The following IL1RAPL2 variants were observed in gnomAD, a reference collection of about 807,000 sequenced individuals.
IL1RAPL2 encodes the protein X-linked interleukin-1 receptor accessory protein-like 2.
Under a neutral mutation model 44.1 loss-of-function variants are expected in IL1RAPL2, and 3 were observed. That is an observed-to-expected ratio of 0.07 (90% CI 0.03 to 0.18). The LOEUF (loss-of-function observed/expected upper bound fraction) is 0.18. IL1RAPL2 is among the 10% of genes least tolerant of loss of function. The pLI is 1.00. For missense variants in IL1RAPL2, 391 were observed against 496.4 expected (o/e 0.79, Z 2.02); for synonymous variants, 181 against 178.8 (o/e 1.01, Z -0.10).
At chrX:104,624,364 A>G (rs1296080202) in intron 1 of IL1RAPL2, among the ~76,000 whole-genome samples, 2 of 111,740 alleles carry the variant, frequency 1.8e-5, no homozygotes, top group Non-Finnish European at 3.8e-5. Context: ...TCATTAAAAA[A>G]AATCTGAACA....
rs201599857 is a variant in IL1RAPL2 at position 105,767,017 on chromosome X, G to A, written c.1417G>A (p.Val473Met). 19 of 1,206,821 alleles carry A rather than the reference G, an allele frequency of 1.6e-5. No individual in the cohort carries two copies. Among genetic ancestry groups the A allele is most frequent in the Admixed American group, 2.2e-5 (1 of 45,645 alleles). Residue 473 changes from valine to methionine, a missense_variant, in exon 11 of 11, where the codon GTG (valine) becomes ATG (methionine). Around this residue, in one of 2 missense-constraint regions of IL1RAPL2, gnomAD observed 232 missense variants for 244.8 expected, o/e 0.95. Coordinates refer to ENST00000372582, the MANE Select transcript of IL1RAPL2 (RefSeq NM_017416.2). ...YVEQSRRLII[V>M]LTPDYILRRG... ...TGAACAAAGCAGAAGACTTATTATC[G>A]TGCTAACTCCAGACTATATTCTCAG...
chrX:105,376,963 A>G (rs893519268), intron 5 of IL1RAPL2, among the ~76,000 whole-genome samples: 2 of 112,335 alleles, frequency 1.8e-5, no homozygotes, highest in African/African-American at 6.5e-5. Flanking sequence ...ATGCATATAT[A>G]CAGTGAATAA....
intron 1 of IL1RAPL2, among the ~76,000 whole-genome samples, chrX:104,605,332 A>AATTT (rs1288302309): frequency 8.9e-6 from 1 of 112,124 alleles, no homozygotes; most frequent in African/African-American, 3.2e-5. Flanking sequence ...TGTAGAGAGA[A>AATTT]ATTTATGGCA....
At chrX:104,639,681 C>T in intron 1 of IL1RAPL2, among the ~76,000 whole-genome samples, 1 of 110,918 alleles carries the variant, frequency 9.0e-6, no homozygotes, top group East Asian at 2.8e-4. Flanking sequence ...TTAAGTATTT[C>T]TTGTGGGTTT....
chrX:104,655,657 G>T (rs777426156), intron 1 of IL1RAPL2, among the ~76,000 whole-genome samples: 1 of 111,440 alleles, frequency 9.0e-6, no homozygotes, highest in Non-Finnish European at 1.9e-5. Flanking sequence ...TCTCTGCCAG[G>T]CTTTGGTATC....
intron 2 of IL1RAPL2, among the ~76,000 whole-genome samples, chrX:104,900,174 G>T (rs1308520733): frequency 9.0e-6 from 1 of 111,129 alleles, no homozygotes; most frequent in Non-Finnish European, 1.9e-5. Flanking sequence ...ACTCTTTTAC[G>T]TACCACAAAG....
chrX:105,230,952 A>C (rs1186216248), intron 3 of IL1RAPL2, among the ~76,000 whole-genome samples: 1 of 112,337 alleles, frequency 8.9e-6, no homozygotes, highest in Non-Finnish European at 1.9e-5. Context: ...TACATCTGGG[A>C]CAGTTAGCTT....
At chrX:105,206,810 T>A (rs1603008058) in intron 3 of IL1RAPL2, among the ~76,000 whole-genome samples, 1 of 112,073 alleles carries the variant, frequency 8.9e-6, no homozygotes, top group African/African-American at 3.2e-5. Context: ...TGCTTAAAAG[T>A]TGTTTTCCAC....
chrX:105,144,358 C>T (rs2147585302), intron 2 of IL1RAPL2, among the ~76,000 whole-genome samples: 1 of 111,133 alleles, frequency 9.0e-6, no homozygotes, highest in Non-Finnish European at 1.9e-5. Context: ...AATGAGCAGA[C>T]TTACCTTCAA....
intron 6 of IL1RAPL2, among the ~76,000 whole-genome samples, chrX:105,562,557 A>C (rs1000035414): frequency 4.6e-5 from 5 of 108,690 alleles, no homozygotes; most frequent in African/African-American, 6.7e-5. Flanking sequence ...ACATACACAC[A>C]CCACATAATA....
chrX:105,043,640 G>A (rs2031794267), intron 2 of IL1RAPL2, among the ~76,000 whole-genome samples: 1 of 110,536 alleles, frequency 9.0e-6, no homozygotes, highest in Non-Finnish European at 1.9e-5. Flanking sequence ...TTACAATGTG[G>A]AAAGAGAGCC....
In IL1RAPL2 at chrX:104,949,846, G is replaced by T. The variant is rs768010972; in HGVS notation, c.83-245629G>T. 3.0e-3 allele frequency among the ~76,000 whole-genome samples: 339 copies of T among 111,156 alleles called. 2 individuals are homozygous for T. The highest frequency in any genetic ancestry group is 1.0e-2 in the African/African-American group (305 of 30,526). ...GGAGAGCTTTACTTCCAAGTATGTG[G>T]TCAGTTTTGGAATAGGTGTGGTGTG... On this transcript the variant is annotated intron_variant, in intron 2 of 10. Transcript: ENST00000372582.
intron 2 of IL1RAPL2, among the ~76,000 whole-genome samples, chrX:104,782,079 G>A (rs763750329): frequency 9.0e-6 from 1 of 111,485 alleles, no homozygotes; most frequent in South Asian, 3.8e-4. Flanking sequence ...CCTTGATCTT[G>A]GATTTCTCAG....
chrX:104,626,299 C>CGTGTGTGTGTGT (rs111509844), intron 1 of IL1RAPL2, among the ~76,000 whole-genome samples: 21 of 100,916 alleles, frequency 2.1e-4, no homozygotes, highest in African/African-American at 6.3e-4. Context: ...CTGTCTCATG[C>CGTGTGTGTGTGT]GTGTGTGTGT....
intron 6 of IL1RAPL2, among the ~76,000 whole-genome samples, chrX:105,551,775 C>G (rs1196404639): frequency 1.8e-5 from 2 of 111,908 alleles, no homozygotes; most frequent in African/African-American, 6.5e-5. Flanking sequence ...TGTTAACTCT[C>G]CTGGGCTAAA....
intron 5 of IL1RAPL2, among the ~76,000 whole-genome samples, chrX:105,458,149 G>C (rs2036069235): frequency 9.0e-6 from 1 of 110,841 alleles, no homozygotes; most frequent in Non-Finnish European, 1.9e-5. Flanking sequence ...GAATTTCTTT[G>C]CCCATCTCTT....
At chrX:104,793,105 C>T (rs1184797639) in intron 2 of IL1RAPL2, among the ~76,000 whole-genome samples, 2 of 112,196 alleles carry the variant, frequency 1.8e-5, no homozygotes, top group East Asian at 5.6e-4. Context: ...CAAGAATGGC[C>T]ACTCAAGAAT....
intron 6 of IL1RAPL2, among the ~76,000 whole-genome samples, chrX:105,708,482 AG>A (rs2038182815): frequency 8.9e-6 from 1 of 111,757 alleles, no homozygotes; most frequent in South Asian, 3.7e-4. Flanking sequence ...TTAACTAGCA[AG>A]TCATTCCTAG....
intron 2 of IL1RAPL2, among the ~76,000 whole-genome samples, chrX:104,761,972 CTTCTTCTTCT>C (rs1569309970): frequency 1.1e-4 from 11 of 97,525 alleles, no homozygotes; most frequent in East Asian, 6.3e-4. Context: ...TCTTCTTCTT[CTTCTTCTTCT>C]TCCTCCTCCT....
Sources: allele counts gnomAD v4.1 joint callset (sites outside exome capture counted in the v4.1 genomes callset), GRCh38; gene constraint gnomAD v4.1.1; regional missense constraint gnomAD v4.1.1; transcripts MANE v1.5; gene names NCBI Gene and HGNC (gene_info 2026-07-23, HGNC 2026-07-21).